GPBP1: variants seen among roughly 807,000 people sequenced by gnomAD.
GPBP1 encodes vasculin.
Under a neutral mutation model 56.5 loss-of-function variants are expected in GPBP1, and 13 were observed. That is an observed-to-expected ratio of 0.23 (90% CI 0.15 to 0.37). The LOEUF is 0.37. GPBP1 is among the 10% of genes least tolerant of loss of function. The probability of loss-of-function intolerance (pLI) is 1.00; values close to 1 mark genes in which losing one functional copy is unlikely to be tolerated. For synonymous variants in GPBP1, 204 were observed against 188.9 expected, an observed-to-expected ratio of 1.08 and a Z score of -0.66; for missense variants, 477 against 572.3, an observed-to-expected ratio of 0.83 and a Z score of 1.70.
intron 1 of GPBP1, among the ~76,000 whole-genome samples, chr5:57,174,687 C>T (rs1482825851): frequency 2.0e-5 from 3 of 152,218 alleles, no homozygotes; most frequent in Non-Finnish European, 2.9e-5. Context: ...TTGCCGTGGA[C>T]TGGGGCGAAG....
intron 2 of GPBP1, among the ~76,000 whole-genome samples, chr5:57,196,006 ATTT>A (rs1182189437): frequency 3.6e-4 from 24 of 67,022 alleles, no homozygotes; most frequent in African/African-American, 1.1e-3. Flanking sequence ...AAAAAAAAAA[ATTT>A]TTTTTTTTTG....
At chr5:57,186,680 T>G (rs1007775081) in intron 2 of GPBP1, among the ~76,000 whole-genome samples, 1 of 152,082 alleles carries the variant, frequency 6.6e-6, no homozygotes, top group Non-Finnish European at 1.5e-5. Context: ...GGAATGATCC[T>G]CCTAATCCTT....
chr5:57,251,340 C>T (rs1266780926), intron 10 of GPBP1, among the ~76,000 whole-genome samples, 199 bp downstream of exon 10: 1 of 152,100 alleles, frequency 6.6e-6, no homozygotes, highest in African/African-American at 2.4e-5. Flanking sequence ...TGCACTCTGT[C>T]CTAGGCAGCT....
intron 3 of GPBP1, among the ~76,000 whole-genome samples, chr5:57,224,243 C>T (rs896291698): frequency 1.3e-5 from 2 of 150,280 alleles, no homozygotes; most frequent in African/African-American, 4.9e-5. Flanking sequence ...AACTCCTGAT[C>T]CTCTTTTTTT....
chr5:57,214,549 C>T (rs959637091), intron 3 of GPBP1, among the ~76,000 whole-genome samples: 2 of 152,134 alleles, frequency 1.3e-5, no homozygotes, highest in African/African-American at 4.8e-5. Context: ...CGCGCCATTG[C>T]ACTCCAGCCT....
intron 3 of GPBP1, among the ~76,000 whole-genome samples, chr5:57,217,978 T>C (rs1163435327): frequency 6.6e-6 from 1 of 152,210 alleles, no homozygotes; most frequent in East Asian, 1.9e-4. Flanking sequence ...ATTTATACTT[T>C]TGGTTCAGGC....
intron 7 of GPBP1, 75 bp from the exon 8 acceptor site, chr5:57,247,000 A>G (rs1424074402): frequency 7.3e-7 from 1 of 1,373,618 alleles, no homozygotes; most frequent in Non-Finnish European, 1.0e-6. Flanking sequence ...TTTTTGTTTT[A>G]TAATATTCAC....
At position 57,178,746 on chromosome 5, in the gene GPBP1, T is replaced by G. The variant is rs547158434; in HGVS notation, c.-58+2346T>G. The stretch of plus-strand genomic sequence containing the variant: ...GACAGATATTTTCAGTATTTTATTT[T>G]TCTGGAGATTGGAATAAATAGTTGC... On this transcript the variant is annotated intron_variant, in intron 2 of 11. Coordinates refer to ENST00000506184, the MANE Select transcript of GPBP1 (RefSeq NM_022913.4). 6.1e-4 allele frequency among the ~76,000 whole-genome samples: 93 copies of G among 152,368 alleles called. No homozygotes were observed. The South Asian group carries it at 0.013, about 21-fold the overall frequency.
At chr5:57,257,622 T>C (rs1440665152) in intron 10 of GPBP1, among the ~76,000 whole-genome samples, 3 of 152,154 alleles carry the variant, frequency 2.0e-5, no homozygotes, top group African/African-American at 7.2e-5. Flanking sequence ...TAGTTAATTG[T>C]ATAAATATTT....
intron 2 of GPBP1, among the ~76,000 whole-genome samples, chr5:57,182,150 C>A: frequency 6.6e-6 from 1 of 152,130 alleles, no homozygotes; most frequent in East Asian, 1.9e-4. Context: ...GTGGCATGAT[C>A]TTGGCTCACT....
intron 2 of GPBP1, among the ~76,000 whole-genome samples, chr5:57,211,941 A>C (rs1755504016): frequency 6.6e-6 from 1 of 151,598 alleles, no homozygotes; most frequent in Admixed American, 6.6e-5. Context: ...TAATTAAAAA[A>C]AAATTTTTTT....
chr5:57,257,407 T>C (rs969291349), intron 10 of GPBP1, among the ~76,000 whole-genome samples: 3 of 152,202 alleles, frequency 2.0e-5, no homozygotes, highest in Non-Finnish European at 2.9e-5. Flanking sequence ...GGCACATAGA[T>C]CATTCTTAGT....
chr5:57,190,409 A>T (rs1198168279), intron 2 of GPBP1, among the ~76,000 whole-genome samples: 1 of 151,888 alleles, frequency 6.6e-6, no homozygotes, highest in Non-Finnish European at 1.5e-5. Context: ...ACACGGTGAA[A>T]CCCCATCTCT....
intron 6 of GPBP1, among the ~76,000 whole-genome samples, chr5:57,239,516 C>T (rs1187038382): frequency 6.6e-6 from 1 of 151,994 alleles, no homozygotes; most frequent in Non-Finnish European, 1.5e-5. Context: ...CGTGGTTGCT[C>T]ATGCCTGTAA....
chr5:57,208,891 G>A (rs13165532), intron 2 of GPBP1, among the ~76,000 whole-genome samples: 33,624 of 151,854 alleles, frequency 0.22, 4,051 homozygotes, highest in Non-Finnish European at 0.27. Flanking sequence ...TTGACCTCAT[G>A]TGATCCACCT....
At chr5:57,178,205 C>T (rs1398244523) in intron 2 of GPBP1, among the ~76,000 whole-genome samples, 1 of 152,128 alleles carries the variant, frequency 6.6e-6, no homozygotes, top group Non-Finnish European at 1.5e-5. Flanking sequence ...TGGAGTCAAA[C>T]GATCATTCTT....
rs60712944 is a variant in GPBP1 at position 57,244,727 on chromosome 5, A to G, written c.479-1573A>G. On this transcript the variant is annotated intron_variant, in intron 6 of 11. Coordinates refer to ENST00000506184, the MANE Select transcript of GPBP1 (RefSeq NM_022913.4). The stretch of plus-strand genomic sequence containing the variant: ...TATTATTTACTATTCTTTGTTTGAG[A>G]TTTTTTTTTTTTTTTTTTTTTTTTG... Among the ~76,000 whole-genome samples the G allele has an allele frequency of 8.5e-3, 792 of 93,234 alleles. 10 individuals carry two copies. The highest frequency in any genetic ancestry group is 0.034 in the African/African-American group (765 of 22,816). The allele number at this position is 93,234 out of a possible 152,430, so 61.2% of individuals were successfully genotyped here. A position where few individuals can be genotyped will look rare whatever the true frequency, so the allele number is the denominator to read the frequency against.
At chr5:57,206,633 C>T (rs926006516) in intron 2 of GPBP1, among the ~76,000 whole-genome samples, 9 of 152,170 alleles carry the variant, frequency 5.9e-5, no homozygotes. Flanking sequence ...CTTGGCCTCC[C>T]AAAGTGCTGG....
chr5:57,199,538 TTA>T (rs975611410), intron 2 of GPBP1, among the ~76,000 whole-genome samples: 3 of 150,958 alleles, frequency 2.0e-5, no homozygotes, highest in African/African-American at 4.8e-5. Context: ...TCTTTTCTTT[TTA>T]TATATATATA....
Sources: gnomAD v4.1 joint callset for allele counts (sites outside exome capture counted in the v4.1 genomes callset) on GRCh38, gnomAD v4.1.1 for gene constraint, MANE v1.5 for transcripts, NCBI Gene and HGNC (gene_info 2026-07-23, HGNC 2026-07-21) for gene names.